GALNT9: variants seen among roughly 807,000 people sequenced by gnomAD.
GALNT9 encodes the protein GalNAc transferase 9.
Under a neutral mutation model 63.1 loss-of-function variants are expected in GALNT9, and 47 were observed. That is an observed-to-expected ratio of 0.75 (90% CI 0.59 to 0.95). The LOEUF (loss-of-function observed/expected upper bound fraction) is 0.95, where lower values mean the gene tolerates loss of function less well. GALNT9 is among the 40% of genes least tolerant of loss of function. The probability of loss-of-function intolerance (pLI) is 0.00; values close to 1 mark genes in which losing one functional copy is unlikely to be tolerated. For synonymous variants in GALNT9, 396 were observed against 365.7 expected, an observed-to-expected ratio of 1.08 and a Z score of -0.94; for missense variants, 829 against 874.8, an observed-to-expected ratio of 0.95 and a Z score of 0.66.
Position 132,236,443 on chromosome 12 carries a change from T to A in GALNT9, c.1077+11467A>T, listed in dbSNP as rs2136894760. Among the ~76,000 whole-genome samples the A allele has an allele frequency of 6.6e-6, 1 of 151,762 alleles. No individual in the cohort carries two copies. Among genetic ancestry groups the A allele is most frequent in the Non-Finnish European group, 1.5e-5 (1 of 67,944 alleles). ...GTCTGCGGAGCTCCCTGAGGCCCCA[T>A]AGCACCTGTCATCACGGCTGCCAGG... On this transcript the variant is annotated intron_variant, in intron 6 of 10. Transcript: ENST00000328957. This position sits in a 1 kb window ranked among gnomAD's most constrained non-coding sequence, Gnocchi z 5.6.
At chr12:132,291,901 G>T (rs1188348669) in intron 1 of GALNT9, among the ~76,000 whole-genome samples, 1 of 152,178 alleles carries the variant, frequency 6.6e-6, no homozygotes, top group Non-Finnish European at 1.5e-5. Context: ...CCCCAATCCT[G>T]CTGCACTTGC....
chr12:132,263,514 G>C (rs1211519642), intron 2 of GALNT9, among the ~76,000 whole-genome samples: 5 of 152,132 alleles, frequency 3.3e-5, no homozygotes, highest in African/African-American at 1.2e-4. Flanking sequence ...CAGGGGGAGG[G>C]GGGCAGGGCT....
intron 6 of GALNT9, among the ~76,000 whole-genome samples, chr12:132,209,548 TCAAA>T (rs569273740): frequency 1.8e-4 from 28 of 152,058 alleles, no homozygotes; most frequent in South Asian, 2.1e-4. Context: ...AGACTTCATC[TCAAA>T]CAAACAAACA....
rs964596081 is a variant in GALNT9, at chr12:132,227,496, C to T, written c.1077+20414G>A. 1.4e-4 allele frequency among the ~76,000 whole-genome samples: 21 copies of T among 152,296 alleles called. No homozygotes were observed. In the Middle Eastern group the frequency reaches 0.01, roughly 74 times the overall value. On this transcript the variant is annotated intron_variant, in intron 6 of 10. Transcript: ENST00000328957. ...TCTGACAGACGCAGACGGGCTCCAG[C>T]GAGGTGCACGTCTCGGCCCAGACAG...
At position 132,286,155 on chromosome 12, in the gene GALNT9, C is replaced by G; in HGVS notation, c.419+95G>C. 1.5e-6 allele frequency: 2 copies of G among 1,371,644 alleles called. No individual in the cohort carries two copies. Among genetic ancestry groups the G allele is most frequent in the Middle Eastern group, 2.4e-4 (1 of 4,192 alleles). 85.0% of individuals were successfully genotyped at this position (1,371,644 alleles called of 1,614,324 possible). The stretch of plus-strand genomic sequence containing the variant: ...CGGGCGTGGGGGCCGCTCACTTCCC[C>G]GGCCGGCGTGGGGGGCAGTCACTTC... On this transcript the variant is annotated intron_variant, in intron 2 of 10. Coordinates refer to ENST00000328957, the MANE Select transcript of GALNT9 (RefSeq NM_001122636.2). This position sits in a 1 kb window ranked among gnomAD's most constrained non-coding sequence, Gnocchi z 7.4.
In GALNT9 at chr12:132,200,030, G is replaced by A. The variant is rs73166827; in HGVS notation, c.1402-761C>T. ...CTCTGGGTTGGGGGTGCCTGCACTT[G>A]GCTAATTGAGGATGGAGTGGGCAGA... On this transcript the variant is annotated intron_variant, in intron 8 of 10. Transcript: ENST00000328957. Among the ~76,000 whole-genome samples the A allele has an allele frequency of 8.2e-3, 1,252 of 152,298 alleles. 17 individuals are homozygous for A. The highest frequency in any genetic ancestry group is 0.028 in the African/African-American group (1,177 of 41,552).
chr12:132,283,894 C>G (rs1229236720), intron 2 of GALNT9: 2 of 152,188 alleles, frequency 1.3e-5, no homozygotes, highest in Non-Finnish European at 2.9e-5. Flanking sequence ...TGGGCTCTGT[C>G]TGTCCTTCTA....
intron 6 of GALNT9, among the ~76,000 whole-genome samples, chr12:132,210,229 C>T (rs942920610): frequency 3.3e-5 from 5 of 152,214 alleles, no homozygotes; most frequent in African/African-American, 9.6e-5. Context: ...GGCCCTGCTG[C>T]GCGTGGGCGT....
Position 132,201,960 on chromosome 12 carries a change from G to A in GALNT9, c.1264-699C>T, listed in dbSNP as rs563352051. ...GACAGCCAGCCCTGAGGGAGCACCT[G>A]CACCCTGCCCAGGGACCCTCCAGGC... is the stretch of plus-strand genomic sequence containing the variant. On this transcript the variant is annotated intron_variant, in intron 7 of 10. Coordinates refer to ENST00000328957, the MANE Select transcript of GALNT9 (RefSeq NM_001122636.2). Among the ~76,000 whole-genome samples, 11 of 152,306 alleles carry A rather than the reference G, an allele frequency of 7.2e-5. 1 individual carries two copies. In the East Asian group the frequency reaches 2.1e-3, roughly 29 times the overall value.
At chr12:132,253,146 T>A (rs28760908) in intron 5 of GALNT9, among the ~76,000 whole-genome samples, 23,467 of 152,086 alleles carry the variant, frequency 0.15, 1,937 homozygotes, top group Middle Eastern at 0.29. Flanking sequence ...TATTTCTTCT[T>A]CTGCTATCTA....
intron 1 of GALNT9, among the ~76,000 whole-genome samples, chr12:132,312,529 C>T (rs1483823001): frequency 4.6e-5 from 7 of 152,236 alleles, no homozygotes; most frequent in Admixed American, 1.3e-4. Flanking sequence ...CCCATGCCCA[C>T]GCTGTCCTCT....
chr12:132,260,493 A>C (rs1376991977), intron 4 of GALNT9, among the ~76,000 whole-genome samples: 1 of 152,130 alleles, frequency 6.6e-6, no homozygotes, highest in Non-Finnish European at 1.5e-5. Flanking sequence ...CCTCGGGGGC[A>C]CTCGTGGCCA....
Position 132,329,452 on chromosome 12 carries a change from G to GCGGCC in GALNT9, c.-254_-250dup, listed in dbSNP as rs1373424477. On this transcript the variant is annotated 5_prime_UTR_variant, in exon 1 of 11. Coordinates refer to ENST00000328957, the MANE Select transcript of GALNT9 (RefSeq NM_001122636.2). ...GGCCGGCATCCCCCGCTCAGAGGGCGCGGCCCCGCCCCGGGGAGCGGTGAG... is the reference window on the plus strand; with the variant it reads ...GGCCGGCATCCCCCGCTCAGAGGGCGCGGCCCGGCCCCGCCCCGGGGAGCGGTGAG... 3.9e-6 allele frequency: 1 copy of GCGGCC among 253,500 alleles called. No homozygotes were observed. The highest frequency in any genetic ancestry group is 6.1e-5 in the Admixed American group (1 of 16,300). The allele number at this position is 253,500 out of a possible 1,614,324, so 15.7% of individuals were successfully genotyped here.
chr12:132,243,258 C>G (rs1878522094), intron 6 of GALNT9, among the ~76,000 whole-genome samples: 3 of 144,098 alleles, frequency 2.1e-5, no homozygotes, highest in African/African-American at 2.7e-5. Context: ...GGGGCCCTCC[C>G]TATACCCATT....
Position 132,203,699 on chromosome 12 carries a change from A to T in GALNT9, c.1078-9T>A, listed in dbSNP as rs377202435. ...CCGCCACACTGCCACACCTGCGGGG[A>T]GACGGCGCTGGGTGCCGGCGTCCTT... On this transcript the variant is annotated splice_polypyrimidine_tract_variant and intron_variant, in intron 6 of 10. Transcript: ENST00000328957. 3 of 1,609,360 alleles carry T rather than the reference A, an allele frequency of 1.9e-6. No individual in the cohort carries two copies. The highest frequency in any genetic ancestry group is 2.2e-5 in the South Asian group (2 of 90,940).
intron 1 of GALNT9, among the ~76,000 whole-genome samples, chr12:132,306,137 C>A (rs571554432): frequency 6.6e-6 from 1 of 152,342 alleles, no homozygotes; most frequent in East Asian, 1.9e-4. Flanking sequence ...CGGGTCAGAG[C>A]CCCCGTGGGG....
At chr12:132,199,304 C>A in intron 8 of GALNT9, 35 bp from the exon 9 acceptor site, 1 of 1,501,868 alleles carries the variant, frequency 6.7e-7, no homozygotes, top group South Asian at 1.1e-5. Context: ...AGTCCAGAGT[C>A]ACCCGAGGGT....
In GALNT9 at chr12:132,315,502, C is replaced by A. The variant is rs79917441; in HGVS notation, c.238+13464G>T. 6.6e-6 allele frequency among the ~76,000 whole-genome samples: 1 copy of A among 152,332 alleles called. No homozygotes were observed. The highest frequency in any genetic ancestry group is 1.9e-4 in the East Asian group (1 of 5,190). ...TTCTTTTCTGACTTAGAAATAAAAT[C>A]AGGGCTTGCTGGGTTTCACGCCGGA... is the stretch of plus-strand genomic sequence containing the variant. On this transcript the variant is annotated intron_variant, in intron 1 of 10. Transcript: ENST00000328957. This position sits in a 1 kb window ranked among gnomAD's most constrained non-coding sequence, Gnocchi z 6.1.
chr12:132,309,055 C>T (rs1222281082), intron 1 of GALNT9, among the ~76,000 whole-genome samples: 1 of 152,252 alleles, frequency 6.6e-6, no homozygotes, highest in East Asian at 1.9e-4. Flanking sequence ...ATTTATGGCC[C>T]TGCAGGGCGG....
Sources: allele counts gnomAD v4.1 joint callset (sites outside exome capture counted in the v4.1 genomes callset), GRCh38; gene constraint gnomAD v4.1.1; non-coding constraint Gnocchi (gnomAD v3.1); transcripts MANE v1.5; gene names NCBI Gene and HGNC (gene_info 2026-07-23, HGNC 2026-07-21).